The following KCNT2 variants were observed in gnomAD, a reference collection of about 807,000 sequenced individuals.
The protein encoded by KCNT2 is potassium sodium-activated channel subfamily T member 2.
A neutral mutation model predicts 153.8 loss-of-function variants in KCNT2; 67 were observed. That is an observed-to-expected ratio of 0.44 (90% confidence interval 0.36 to 0.53). KCNT2 has a LOEUF of 0.53. KCNT2 is among the 20% of genes least tolerant of loss of function. The pLI, the probability that KCNT2 is intolerant of heterozygous loss-of-function variation, is 0.00. For missense variants in KCNT2, 975 were observed against 1,354.8 expected, an observed-to-expected ratio of 0.72 and a Z score of 4.40; for synonymous variants, 500 against 458.8, an observed-to-expected ratio of 1.09 and a Z score of -1.15.
intron 5 of KCNT2, among the ~76,000 whole-genome samples, chr1:196,473,405 C>G (rs1421335124): frequency 6.6e-6 from 1 of 152,176 alleles, no homozygotes; most frequent in African/African-American, 2.4e-5. Flanking sequence ...ATTGCATGCT[C>G]TACTCCTAGC....
chr1:196,561,678 G>GAAAAAAAAAAAAAAAAAAA (rs1659427672), intron 1 of KCNT2, among the ~76,000 whole-genome samples: 2 of 45,474 alleles, frequency 4.4e-5, no homozygotes, highest in Admixed American at 3.1e-4. Context: ...AAAAAAAAAA[G>GAAAAAAAAAAAAAAAAAAA]AAGAAGAAGA....
At chr1:196,389,119 T>C (rs934692919) in intron 13 of KCNT2, among the ~76,000 whole-genome samples, 1 of 151,778 alleles carries the variant, frequency 6.6e-6, no homozygotes, top group Non-Finnish European at 1.5e-5. Context: ...TCCCCTTTAA[T>C]GTATTAATAT....
At chr1:196,352,619 G>C (rs1666822234) in intron 14 of KCNT2, among the ~76,000 whole-genome samples, 1 of 151,894 alleles carries the variant, frequency 6.6e-6, no homozygotes, top group African/African-American at 2.4e-5. Flanking sequence ...AGTCTTGTTA[G>C]TGGTCTATCA....
intron 1 of KCNT2, among the ~76,000 whole-genome samples, chr1:196,571,340 G>C (rs1310371703): frequency 6.6e-6 from 1 of 152,032 alleles, no homozygotes; most frequent in Non-Finnish European, 1.5e-5. Context: ...CTGTGCCCAA[G>C]ATATTCTAAA....
At chr1:196,297,285 A>G (rs1334416484) in intron 22 of KCNT2, among the ~76,000 whole-genome samples, 9 of 152,148 alleles carry the variant, frequency 5.9e-5, no homozygotes, top group African/African-American at 2.2e-4. Flanking sequence ...ATTTAATTTT[A>G]TTAACTTAGT....
chr1:196,521,613 C>T (rs1014369153), intron 1 of KCNT2, among the ~76,000 whole-genome samples: 3 of 152,096 alleles, frequency 2.0e-5, no homozygotes, highest in African/African-American at 7.2e-5. Flanking sequence ...GAATACTACT[C>T]AGCCATAAAA....
At chr1:196,429,886 T>C in intron 8 of KCNT2, 129 bp from the exon 9 acceptor site, 1 of 591,346 alleles carries the variant, frequency 1.7e-6, no homozygotes, top group Non-Finnish European at 2.9e-6. Context: ...TTTTACAATA[T>C]ATTTTTCTAG....
intron 8 of KCNT2, among the ~76,000 whole-genome samples, chr1:196,436,640 T>C (rs75719268): frequency 0.02 from 3,029 of 151,476 alleles, 100 homozygotes; most frequent in African/African-American, 0.069. Context: ...TATTATTAAA[T>C]GAAAACTGTC....
At chr1:196,571,392 C>A (rs1006343026) in intron 1 of KCNT2, among the ~76,000 whole-genome samples, 1 of 151,962 alleles carries the variant, frequency 6.6e-6, no homozygotes, top group African/African-American at 2.4e-5. Context: ...CAGAAAACAT[C>A]CCAGAATATA....
rs543560315 is a variant in KCNT2 at position 196,268,687 on chromosome 1, G to T, written c.2911-10193C>A. Among the ~76,000 whole-genome samples the T allele has an allele frequency of 2.6e-5, 4 of 151,992 alleles. No individual in the cohort carries two copies. In the South Asian group the frequency reaches 8.3e-4, roughly 32 times the overall value. On this transcript the variant is annotated intron_variant, in intron 25 of 27. Transcript: ENST00000294725. Reference sequence around the variant, plus strand: ...GCACTTCTTCCTTTTTCCCTAGCAGGAAGTTTATGCTCCTTATGCATGAGA... The same window carrying T: ...GCACTTCTTCCTTTTTCCCTAGCAGTAAGTTTATGCTCCTTATGCATGAGA...
intron 13 of KCNT2, among the ~76,000 whole-genome samples, chr1:196,390,673 A>G (rs898827239): frequency 6.7e-6 from 1 of 148,808 alleles, no homozygotes. Context: ...GAATACTTGC[A>G]TTATTCTCAC....
chr1:196,540,395 C>G (rs1404201777), intron 1 of KCNT2, among the ~76,000 whole-genome samples: 3 of 152,090 alleles, frequency 2.0e-5, no homozygotes, highest in Non-Finnish European at 4.4e-5. Context: ...ATCTGTATAT[C>G]AAACTTTATT....
chr1:196,438,782 G>A lies in KCNT2; in HGVS notation c.639-9025C>T, dbSNP rs1325171562. Among the ~76,000 whole-genome samples, 15 of 151,596 alleles carry A rather than the reference G, an allele frequency of 9.9e-5. No homozygotes were observed. In the Admixed American group the frequency reaches 9.9e-4, roughly 10 times the overall value. ...GACAGTGTATCTGTATATCCTATAT[G>A]TATATATTTATACAATTCACTAAGT... On this transcript the variant is annotated intron_variant, in intron 8 of 27. Coordinates refer to ENST00000294725, the MANE Select transcript of KCNT2 (RefSeq NM_198503.5).
In KCNT2 at chr1:196,479,144, C is replaced by G. The variant is rs1035931842; in HGVS notation, c.384+35G>C. On this transcript the variant is annotated intron_variant, in intron 5 of 27. Transcript: ENST00000294725. ...ACTGAGTAAATACTACAGATGTGTT[C>G]TATCAGCGGGAAACTGCTAATTAAA... 3.1e-6 allele frequency: 4 copies of G among 1,276,386 alleles called. No homozygotes were observed. The Middle Eastern group carries it at 5.5e-4, about 177-fold the overall frequency. 79.1% of individuals were successfully genotyped at this position (1,276,386 alleles called of 1,614,324 possible).
At chr1:196,300,653 T>C (rs1661100313) in intron 22 of KCNT2, among the ~76,000 whole-genome samples, 1 of 152,190 alleles carries the variant, frequency 6.6e-6, no homozygotes, top group Admixed American at 6.5e-5. Context: ...ATAATAATTC[T>C]GTACAGCTGT....
chr1:196,411,107 TTCCTTCCTTCCTTCCTCCC>T lies in KCNT2; in HGVS notation c.1185+11924_1185+11942del, dbSNP rs1672282928. Among the ~76,000 whole-genome samples, 7 of 132,114 alleles carry T rather than the reference TTCCTTCCTTCCTTCCTCCC, an allele frequency of 5.3e-5. No homozygotes were observed. In the South Asian group the frequency reaches 1.9e-3, roughly 37 times the overall value. The allele number at this position is 132,114 out of a possible 152,430, so 86.7% of individuals were successfully genotyped here. A position where few individuals can be genotyped will look rare whatever the true frequency, so the allele number is the denominator to read the frequency against. ...CTTCCTTCCTTCCTTCCTTCCTTCC[TTCCTTCCTTCCTTCCTCCC>T]TTCTTTCCTACCTCCCTTCCTTCCT... is the stretch of plus-strand genomic sequence containing the variant. On this transcript the variant is annotated intron_variant, in intron 12 of 27. Transcript: ENST00000294725.
chr1:196,578,080 G>A (rs1429273652), intron 1 of KCNT2, among the ~76,000 whole-genome samples: 1 of 152,018 alleles, frequency 6.6e-6, no homozygotes, highest in Non-Finnish European at 1.5e-5. Flanking sequence ...ACTTTCTGCT[G>A]TAGTAGCTCA....
chr1:196,421,517 T>C (rs1297239478), intron 12 of KCNT2, among the ~76,000 whole-genome samples: 2 of 152,094 alleles, frequency 1.3e-5, no homozygotes, highest in Non-Finnish European at 2.9e-5. Flanking sequence ...TTGGAGTACC[T>C]ACTATGTTGA....
chr1:196,457,935 G>C (rs1301954915), intron 8 of KCNT2, among the ~76,000 whole-genome samples: 2 of 151,792 alleles, frequency 1.3e-5, no homozygotes, highest in Admixed American at 1.3e-4. Context: ...ATAAAAACCA[G>C]AATTAGAAGA....
Sources: allele counts gnomAD v4.1 joint callset (sites outside exome capture counted in the v4.1 genomes callset), GRCh38; gene constraint gnomAD v4.1.1; transcripts MANE v1.5; gene names NCBI Gene and HGNC (gene_info 2026-07-23, HGNC 2026-07-21).